Variants in SPATS2 observed in about 807,000 individuals in gnomAD.
The protein encoded by SPATS2 is spermatogenesis associated serine rich 2.
A neutral mutation model predicts 63.7 loss-of-function variants in SPATS2; 38 were observed. That is an observed-to-expected ratio of 0.60 (90% CI 0.46 to 0.78). SPATS2 has a LOEUF of 0.78. SPATS2 is among the 30% of genes least tolerant of loss of function. The pLI, the probability that SPATS2 is intolerant of heterozygous loss-of-function variation, is 0.00. For missense variants in SPATS2, 588 were observed against 666.2 expected (o/e 0.88, Z 1.29); for synonymous variants, 207 against 232.9 (o/e 0.89, Z 1.01).
In SPATS2 at chr12:49,415,575, C is replaced by G. The variant is rs576460426; in HGVS notation, c.-244+44285C>G. Reference sequence around the variant, plus strand: ...CTGGAAATCTCCTTATCTAGTCTGTCAGTTCATTAATTATATTTTCTGTTT... The same window carrying G: ...CTGGAAATCTCCTTATCTAGTCTGTGAGTTCATTAATTATATTTTCTGTTT... On this transcript the variant is annotated intron_variant, in intron 2 of 13. Coordinates refer to ENST00000552918, the MANE Select transcript of SPATS2 (RefSeq NM_023071.4). 2.6e-5 allele frequency among the ~76,000 whole-genome samples: 4 copies of G among 152,224 alleles called. No individual in the cohort carries two copies. The South Asian group carries it at 8.3e-4, about 32-fold the overall frequency.
intron 2 of SPATS2, among the ~76,000 whole-genome samples, chr12:49,412,870 T>C (rs1944821779): frequency 6.6e-6 from 1 of 152,198 alleles, no homozygotes; most frequent in African/African-American, 2.4e-5. Context: ...TTTGTCACAT[T>C]GTAATTGGAT....
intron 2 of SPATS2, among the ~76,000 whole-genome samples, chr12:49,416,847 A>G (rs551145695): frequency 6.6e-6 from 1 of 152,238 alleles, no homozygotes; most frequent in Non-Finnish European, 1.5e-5. Context: ...CATTCCCTTC[A>G]TGGGGAGAAG....
At chr12:49,494,627 C>T in intron 6 of SPATS2, 114 bp from the exon 7 acceptor site, 1 of 1,036,740 alleles carries the variant, frequency 9.6e-7, no homozygotes, top group South Asian at 2.1e-5. Flanking sequence ...TCTGAAAGAA[C>T]ATACAAGAAA....
At chr12:49,381,523 GTTTATC>G (rs1944222600) in intron 2 of SPATS2, among the ~76,000 whole-genome samples, 1 of 152,152 alleles carries the variant, frequency 6.6e-6, no homozygotes, top group African/African-American at 2.4e-5. Context: ...CATAAAATCA[GTTTATC>G]TTTGGCAGAA....
At chr12:49,516,719 A>G (rs1050218404) in intron 10 of SPATS2, among the ~76,000 whole-genome samples, 42 of 152,136 alleles carry the variant, frequency 2.8e-4, no homozygotes, top group African/African-American at 8.7e-4. Flanking sequence ...CTAAAAAAAA[A>G]AAAAGAAAAG....
chr12:49,436,845 C>G (rs1279173105), intron 2 of SPATS2, among the ~76,000 whole-genome samples: 6 of 143,914 alleles, frequency 4.2e-5, no homozygotes, highest in Non-Finnish European at 6.2e-5. Context: ...GACGGGGCGG[C>G]TGTCCGGGCG....
chr12:49,465,847 G>A (rs1472132629), intron 3 of SPATS2, among the ~76,000 whole-genome samples: 1 of 152,022 alleles, frequency 6.6e-6, no homozygotes, highest in Non-Finnish European at 1.5e-5. Flanking sequence ...GGGAGGCTGA[G>A]GCAGGAGAAT....
chr12:49,509,032 C>G (rs1330093579), intron 9 of SPATS2, among the ~76,000 whole-genome samples: 4 of 151,960 alleles, frequency 2.6e-5, no homozygotes, highest in Non-Finnish European at 5.9e-5. Flanking sequence ...CCACTGCACT[C>G]TGGCCTGGGC....
At chr12:49,387,319 T>A (rs1455226240) in intron 2 of SPATS2, among the ~76,000 whole-genome samples, 2 of 151,950 alleles carry the variant, frequency 1.3e-5, no homozygotes, top group Non-Finnish European at 2.9e-5. Flanking sequence ...ACTAGAGATA[T>A]GCAGAACAGT....
chr12:49,453,122 GC>G (rs1256405175), intron 2 of SPATS2, among the ~76,000 whole-genome samples: 2 of 146,420 alleles, frequency 1.4e-5, no homozygotes, highest in African/African-American at 5.2e-5. Context: ...TTGCGCCACT[GC>G]ACTCCCACCT....
intron 6 of SPATS2, chr12:49,490,979 T>TA (rs933976490): frequency 2.2e-5 from 7 of 317,094 alleles, no homozygotes; most frequent in South Asian, 9.3e-5. Context: ...CCGTCTCTAC[T>TA]AAAAAATAGA....
chr12:49,410,864 AGG>A (rs1211522015), intron 2 of SPATS2, among the ~76,000 whole-genome samples: 1 of 151,600 alleles, frequency 6.6e-6, no homozygotes, highest in East Asian at 1.9e-4. Context: ...TGGGAGGGTT[AGG>A]TGCTATCAAA....
At chr12:49,457,600 A>G (rs562549048) in intron 2 of SPATS2, among the ~76,000 whole-genome samples, 1 of 151,964 alleles carries the variant, frequency 6.6e-6, no homozygotes, top group African/African-American at 2.4e-5. Flanking sequence ...TGCCCAGCTA[A>G]TTCTGTATTT....
chr12:49,504,441 G>C (rs576436344), intron 9 of SPATS2, among the ~76,000 whole-genome samples: 1 of 152,222 alleles, frequency 6.6e-6, no homozygotes, highest in African/African-American at 2.4e-5. Context: ...TAAGTTTAAG[G>C]ATATTAAGGA....
intron 2 of SPATS2, among the ~76,000 whole-genome samples, chr12:49,448,996 C>CAATA (rs1422207573): frequency 2.0e-5 from 3 of 152,178 alleles, no homozygotes; most frequent in Non-Finnish European, 4.4e-5. Flanking sequence ...CCTCCAAATA[C>CAATA]AATACATAAA....
At chr12:49,516,165 AAATATATATATATATAT>A in intron 10 of SPATS2, among the ~76,000 whole-genome samples, 2 of 14,204 alleles carry the variant, frequency 1.4e-4, no homozygotes, top group African/African-American at 4.6e-4. Flanking sequence ...AAAAAAAAAA[AAATATATATATATATAT>A]ATATATATAT....
At chr12:49,516,035 G>C (rs2138053916) in intron 10 of SPATS2, among the ~76,000 whole-genome samples, 1 of 149,624 alleles carries the variant, frequency 6.7e-6, no homozygotes, top group South Asian at 2.1e-4. Context: ...AGCTACTCGG[G>C]AGGCTGAGGC....
rs1946451831 is a variant in SPATS2, at chr12:49,495,583, C to T, written c.526+581C>T. 3.3e-5 allele frequency among the ~76,000 whole-genome samples: 5 copies of T among 152,246 alleles called. No homozygotes were observed. In the South Asian group the frequency reaches 6.2e-4, roughly 19 times the overall value. ...TCATCTAACTTGAACCCTAGTGTTC[C>T]ATTATTGGAACGCTGAGCATGTGGG... is the stretch of plus-strand genomic sequence containing the variant. On this transcript the variant is annotated intron_variant, in intron 7 of 13. Coordinates refer to ENST00000552918, the MANE Select transcript of SPATS2 (RefSeq NM_023071.4).
At chr12:49,518,628 A>G (rs1207422081) in intron 10 of SPATS2, among the ~76,000 whole-genome samples, 1 of 152,250 alleles carries the variant, frequency 6.6e-6, no homozygotes, top group Non-Finnish European at 1.5e-5. Flanking sequence ...CTACATATGT[A>G]TGCATGTTGT....
Sources: gnomAD v4.1 joint callset for allele counts (sites outside exome capture counted in the v4.1 genomes callset) on GRCh38, gnomAD v4.1.1 for gene constraint, MANE v1.5 for transcripts, NCBI Gene and HGNC (gene_info 2026-07-23, HGNC 2026-07-21) for gene names.